The following PRKN variants were observed in gnomAD, a reference collection of about 807,000 sequenced individuals.
The protein encoded by PRKN is E3 ubiquitin-protein ligase parkin.
A neutral mutation model predicts 59.5 loss-of-function variants in PRKN; 56 were observed. The ratio of observed to expected loss-of-function variants is 0.94; its 90% confidence interval spans 0.76 to 1.18. The LOEUF is 1.18. Ranked by LOEUF, PRKN falls within the 50% of genes most tolerant of loss-of-function variation. The probability of loss-of-function intolerance (pLI) is 0.00; values close to 1 mark genes in which losing one functional copy is unlikely to be tolerated. For synonymous variants in PRKN, 250 were observed against 222.1 expected (o/e 1.13, Z -1.12); for missense variants, 657 against 596.4 (o/e 1.10, Z -1.06).
chr6:162,132,229 G>A (rs1022623592), intron 4 of PRKN, among the ~76,000 whole-genome samples: 2 of 152,154 alleles, frequency 1.3e-5, no homozygotes, highest in African/African-American at 4.8e-5. Context: ...AGGCAGATTG[G>A]TGTTGGATTG....
chr6:161,504,424 G>A (rs918848868), intron 9 of PRKN, among the ~76,000 whole-genome samples: 8 of 152,172 alleles, frequency 5.3e-5, no homozygotes, highest in African/African-American at 1.9e-4. Context: ...ATGGGAAAAG[G>A]GGGTGAACCC....
intron 7 of PRKN, among the ~76,000 whole-genome samples, chr6:161,731,271 G>T (rs578072705): frequency 6.6e-6 from 1 of 152,350 alleles, no homozygotes; most frequent in East Asian, 1.9e-4. Flanking sequence ...TGAAGCACAT[G>T]TGCGGCCAGA....
At chr6:161,961,458 G>A (rs1338202967) in intron 6 of PRKN, among the ~76,000 whole-genome samples, 4 of 152,176 alleles carry the variant, frequency 2.6e-5, no homozygotes, top group Non-Finnish European at 5.9e-5. Flanking sequence ...ATGATTCTAT[G>A]TATTTCTTCA....
chr6:161,440,253 T>C lies in PRKN; in HGVS notation c.1084-53376A>G, dbSNP rs188736392. 2.0e-3 allele frequency among the ~76,000 whole-genome samples: 309 copies of C among 152,218 alleles called. 1 individual carries two copies. Among genetic ancestry groups the C allele is most frequent in the Admixed American group, 0.013 (201 of 15,280 alleles). ...CAGGTGTGAGACACTGCGCCTGGCC[T>C]GGCCCTAAGTTTTTACCCTTCCCAT... On this transcript the variant is annotated intron_variant, in intron 9 of 11. Coordinates refer to ENST00000366898, the MANE Select transcript of PRKN (RefSeq NM_004562.3). This position sits in a 1 kb window ranked among gnomAD's most constrained non-coding sequence, Gnocchi z 4.1.
At chr6:162,137,016 G>A (rs1164847595) in intron 4 of PRKN, among the ~76,000 whole-genome samples, 2 of 151,886 alleles carry the variant, frequency 1.3e-5, no homozygotes, top group Non-Finnish European at 2.9e-5. Flanking sequence ...AGGAATGTGT[G>A]AAAATGTATA....
At chr6:162,676,535 A>G (rs1398510230) in intron 1 of PRKN, among the ~76,000 whole-genome samples, 1 of 152,152 alleles carries the variant, frequency 6.6e-6, no homozygotes. Flanking sequence ...TTGCCAAAAG[A>G]AGTGCCCAAG....
At chr6:161,370,335 A>G (rs1055416368) in intron 10 of PRKN, among the ~76,000 whole-genome samples, 2 of 151,762 alleles carry the variant, frequency 1.3e-5, no homozygotes, top group Non-Finnish European at 2.9e-5. Flanking sequence ...CTGTAATCCC[A>G]GCACTTTGGG....
At chr6:162,318,704 G>A (rs1782854119) in intron 2 of PRKN, among the ~76,000 whole-genome samples, 1 of 151,904 alleles carries the variant, frequency 6.6e-6, no homozygotes, top group South Asian at 2.1e-4. Context: ...GTGATGTTGA[G>A]TGTCTTTTAC....
chr6:161,495,500 A>G (rs1777716002), intron 9 of PRKN, among the ~76,000 whole-genome samples: 1 of 152,204 alleles, frequency 6.6e-6, no homozygotes, highest in East Asian at 1.9e-4. Flanking sequence ...GGCACCTGAG[A>G]TGTAAACGAA....
intron 9 of PRKN, among the ~76,000 whole-genome samples, chr6:161,490,247 C>G (rs1336684613): frequency 6.6e-6 from 1 of 152,156 alleles, no homozygotes; most frequent in Non-Finnish European, 1.5e-5. Context: ...TCGCTCCCAG[C>G]ACAAAAGTGC....
chr6:162,099,247 G>A (rs1779868907), intron 4 of PRKN, among the ~76,000 whole-genome samples: 1 of 152,138 alleles, frequency 6.6e-6, no homozygotes, highest in African/African-American at 2.4e-5. Context: ...GTGAAGACCT[G>A]GTGACCTTGA....
rs1326089067 is a variant in PRKN at position 161,348,500 on chromosome 6, G to C, written c.*1599C>G. 1.9e-5 allele frequency: 4 copies of C among 213,676 alleles called. No individual in the cohort carries two copies. The highest frequency in any genetic ancestry group is 1.8e-4 in the Admixed American group (3 of 17,050). 13.2% of individuals were successfully genotyped at this position (213,676 alleles called of 1,614,324 possible). A position where few individuals can be genotyped will look rare whatever the true frequency, so the allele number is the denominator to read the frequency against. ...TGCTGCAGAGCCCAGTCTCTCCCCGGTGCAGGGCCTCTGAGACGACGGGAC... is the reference window on the plus strand; with the variant it reads ...TGCTGCAGAGCCCAGTCTCTCCCCGCTGCAGGGCCTCTGAGACGACGGGAC... On this transcript the variant is annotated 3_prime_UTR_variant, in exon 12 of 12. Transcript: ENST00000366898. The surrounding 1 kb of genome is among the most constrained non-coding windows in gnomAD (Gnocchi z 4.9).
chr6:162,505,473 T>C (rs1199231627), intron 1 of PRKN, among the ~76,000 whole-genome samples: 1 of 152,142 alleles, frequency 6.6e-6, no homozygotes, highest in Non-Finnish European at 1.5e-5. Flanking sequence ...CAAGAGCTAC[T>C]GAATCCGAAA....
At chr6:162,694,903 T>G (rs1584064165) in intron 1 of PRKN, 1 of 152,226 alleles carries the variant, frequency 6.6e-6, no homozygotes, top group Non-Finnish European at 1.5e-5. Context: ...GTTTATACTG[T>G]GCTGCTGAAC....
chr6:161,693,236 T>C (rs1023368238), intron 7 of PRKN, among the ~76,000 whole-genome samples: 5 of 152,172 alleles, frequency 3.3e-5, no homozygotes, highest in African/African-American at 1.2e-4. Context: ...AATACCAACA[T>C]AGATCTCTTT....
chr6:162,371,502 A>G lies in PRKN; in HGVS notation c.171+71808T>C, dbSNP rs144812144. The stretch of plus-strand genomic sequence containing the variant: ...TCACTTTCTACTGGGGTGACCCTAA[A>G]TACAAGTTATTTCATTTCTCTGGAC... On this transcript the variant is annotated intron_variant, in intron 2 of 11. Transcript: ENST00000366898. 2.8e-3 allele frequency among the ~76,000 whole-genome samples: 432 copies of G among 152,286 alleles called. 1 individual carries two copies. The highest frequency in any genetic ancestry group is 5.1e-3 in the Non-Finnish European group (349 of 68,004).
At chr6:162,422,576 C>T (rs1406294216) in intron 2 of PRKN, among the ~76,000 whole-genome samples, 1 of 152,062 alleles carries the variant, frequency 6.6e-6, no homozygotes, top group Non-Finnish European at 1.5e-5. Flanking sequence ...GAGTTCTTTA[C>T]GAGTAAGAAC....
At chr6:162,058,100 T>A (rs190300546) in intron 4 of PRKN, among the ~76,000 whole-genome samples, 1 of 152,354 alleles carries the variant, frequency 6.6e-6, no homozygotes, top group East Asian at 1.9e-4. Flanking sequence ...CAGATTTCTC[T>A]CTTTTTTAGA....
chr6:162,520,226 C>T (rs760317440), intron 1 of PRKN, among the ~76,000 whole-genome samples: 1 of 152,194 alleles, frequency 6.6e-6, no homozygotes, highest in Non-Finnish European at 1.5e-5. Context: ...CACTATGGTA[C>T]ACTTCACTGG....
Sources: gnomAD v4.1 joint callset for allele counts (sites outside exome capture counted in the v4.1 genomes callset) on GRCh38, gnomAD v4.1.1 for gene constraint, Gnocchi (gnomAD v3.1) non-coding constraint, MANE v1.5 for transcripts, NCBI Gene and HGNC (gene_info 2026-07-23, HGNC 2026-07-21) for gene names.